Variants in MYBL1 observed in about 807,000 individuals in gnomAD.
MYBL1 encodes the protein myb-related protein A.
In MYBL1, 17 loss-of-function variants were observed where a neutral mutation model predicts 96.3. The ratio of observed to expected loss-of-function variants is 0.18; its 90% CI spans 0.12 to 0.26. The LOEUF is 0.26. MYBL1 is among the 10% of genes least tolerant of loss of function. The probability of loss-of-function intolerance (pLI) is 1.00; values close to 1 mark genes in which losing one functional copy is unlikely to be tolerated. For missense variants in MYBL1, 701 were observed against 882.9 expected (o/e 0.79, Z 2.61); for synonymous variants, 282 against 292.7 (o/e 0.96, Z 0.37).
chr8:66,580,179 A>G lies in MYBL1; in HGVS notation c.1055T>C (p.Leu352Ser). The stretch of plus-strand genomic sequence containing the variant: ...CTCTGCAAATTCTGGGATGGTCTGC[A>G]AAGAGGATAACACAGCGTTTGCCTC... Reference protein sequence around the residue: ...AVEANAVLSSLQTIPEFAETL... With the variant: ...AVEANAVLSSSQTIPEFAETL... The change falls in exon 9 of 16, where the codon TTG becomes TCG. Residue 352 changes from leucine (L) to serine (S), a missense_variant. This residue lies in a region of MYBL1 where 396 missense variants were observed against 407.4 expected (regional missense o/e 0.97). Transcript: ENST00000522677. 1 of 1,613,940 alleles carries G rather than the reference A, an allele frequency of 6.2e-7. No homozygotes were observed. The highest frequency in any genetic ancestry group is 1.3e-5 in the African/African-American group (1 of 75,054).
rs374582035 is a variant in MYBL1 at position 66,601,801 on chromosome 8, T to A, written c.127-32A>T. On this transcript the variant is annotated intron_variant, in intron 2 of 15. Coordinates refer to ENST00000522677, the MANE Select transcript of MYBL1 (RefSeq NM_001080416.4). The stretch of plus-strand genomic sequence containing the variant: ...AAACAGTACAAAAATTAGAAAGCTT[T>A]CCCCCCGTCCTTTTCCTCTACCCCT... The A allele has an allele frequency of 3.8e-5, 45 of 1,195,904 alleles. No individual in the cohort carries two copies. The African/African-American group carries it at 4.0e-4, about 11-fold the overall frequency. 74.1% of individuals were successfully genotyped at this position (1,195,904 alleles called of 1,614,324 possible). A position where few individuals can be genotyped will look rare whatever the true frequency, so the allele number is the denominator to read the frequency against.
rs567212052 is a variant in MYBL1, at chr8:66,567,940, G to A, written c.1729-948C>T. 4.6e-5 allele frequency among the ~76,000 whole-genome samples: 7 copies of A among 151,218 alleles called. No individual in the cohort carries two copies. In the South Asian group the frequency reaches 6.3e-4, roughly 14 times the overall value. On this transcript the variant is annotated intron_variant, in intron 12 of 15. Coordinates refer to ENST00000522677, the MANE Select transcript of MYBL1 (RefSeq NM_001080416.4). The stretch of plus-strand genomic sequence containing the variant: ...AGCCGGGGGTGGTGGTGTGCACCCC[G>A]GGAGGCTGAGGCATGAGAATTGCTT...
intron 8 of MYBL1, among the ~76,000 whole-genome samples, chr8:66,590,387 G>A (rs113995755): frequency 0.025 from 3,769 of 152,220 alleles, 165 homozygotes; most frequent in African/African-American, 0.085. Context: ...GGGAGGCCAA[G>A]GTGGGCAAAT....
chr8:66,573,310 C>T, intron 11 of MYBL1, 54 bp downstream of exon 11: 1 of 1,502,810 alleles, frequency 6.7e-7, no homozygotes, highest in Non-Finnish European at 9.0e-7. Context: ...AGCTAATCTA[C>T]TTTAACACTG....
In MYBL1 at chr8:66,599,873, T is replaced by C. The variant is rs955542985; in HGVS notation, c.199-731A>G. Among the ~76,000 whole-genome samples the C allele has an allele frequency of 5.9e-5, 9 of 152,092 alleles. 1 individual carries two copies. Among genetic ancestry groups the C allele is most frequent in the Admixed American group, 5.9e-4 (9 of 15,262 alleles). ...CACGTAGTTCAGCAGTACCTAACTATACAGTTTTAAAGAAATGTAAAGGCA... is the reference window on the plus strand; with the variant it reads ...CACGTAGTTCAGCAGTACCTAACTACACAGTTTTAAAGAAATGTAAAGGCA... On this transcript the variant is annotated intron_variant, in intron 3 of 15. Coordinates refer to ENST00000522677, the MANE Select transcript of MYBL1 (RefSeq NM_001080416.4).
At chr8:66,603,460 G>A (rs1472531819) in intron 1 of MYBL1, among the ~76,000 whole-genome samples, 8 of 151,168 alleles carry the variant, frequency 5.3e-5, no homozygotes, top group Non-Finnish European at 4.4e-5. Context: ...AGACACAGAT[G>A]TCTTGAACAA....
intron 9 of MYBL1, among the ~76,000 whole-genome samples, chr8:66,578,525 A>G (rs1809063097): frequency 6.6e-6 from 1 of 152,124 alleles, no homozygotes; most frequent in East Asian, 1.9e-4. Context: ...TCAAAACCAC[A>G]ATGAGATACC....
In MYBL1 at chr8:66,612,879, G is replaced by C; in HGVS notation, c.-41C>G. On this transcript the variant is annotated 5_prime_UTR_variant, in exon 1 of 16. Coordinates refer to ENST00000522677, the MANE Select transcript of MYBL1 (RefSeq NM_001080416.4). Reference sequence around the variant, plus strand: ...TAGGAGCAGGCTGGGCGGGGACGCGGGTCAGCCTCCTCCAGCCTCCGGCGA... The same window carrying C: ...TAGGAGCAGGCTGGGCGGGGACGCGCGTCAGCCTCCTCCAGCCTCCGGCGA... 2 of 1,340,510 alleles carry C rather than the reference G, an allele frequency of 1.5e-6. No homozygotes were observed. Among genetic ancestry groups the C allele is most frequent in the Non-Finnish European group, 1.9e-6 (2 of 1,035,952 alleles). 83.0% of individuals were successfully genotyped at this position (1,340,510 alleles called of 1,614,324 possible). A position where few individuals can be genotyped will look rare whatever the true frequency, so the allele number is the denominator to read the frequency against.
Position 66,563,390 on chromosome 8 carries a change from A to G in MYBL1, c.*1307T>C, listed in dbSNP as rs1375146280. 1 of 152,650 alleles carries G rather than the reference A, an allele frequency of 6.6e-6. No homozygotes were observed. Among genetic ancestry groups the G allele is most frequent in the Non-Finnish European group, 1.5e-5 (1 of 68,030 alleles). The allele number at this position is 152,650 out of a possible 1,614,324, so 9.5% of individuals were successfully genotyped here. On this transcript the variant is annotated 3_prime_UTR_variant, in exon 16 of 16. Transcript: ENST00000522677. ...TTATATGACTGAAAAAAAATTACAT[A>G]TAATCTCTACCACAAAAGCAAATAA... is the stretch of plus-strand genomic sequence containing the variant.
intron 9 of MYBL1, among the ~76,000 whole-genome samples, chr8:66,578,923 C>T (rs1278951472): frequency 6.6e-6 from 1 of 152,084 alleles, no homozygotes; most frequent in African/African-American, 2.4e-5. Context: ...AGTTCATGTC[C>T]TTTGTAGGGA....
chr8:66,595,993 A>G (rs1358613550), intron 5 of MYBL1, among the ~76,000 whole-genome samples: 2 of 152,160 alleles, frequency 1.3e-5, no homozygotes, highest in Non-Finnish European at 2.9e-5. Context: ...TATTGCAGTG[A>G]GTAAGGCAAA....
intron 5 of MYBL1, among the ~76,000 whole-genome samples, chr8:66,596,850 T>A (rs995224367): frequency 2.6e-5 from 4 of 152,188 alleles, no homozygotes; most frequent in African/African-American, 9.6e-5. Flanking sequence ...CATGAATATA[T>A]ATACTACTTC....
chr8:66,563,560 AACACTGAG>A lies in MYBL1; in HGVS notation c.*1129_*1136del, dbSNP rs1808396576. The A allele has an allele frequency of 6.6e-6, 1 of 152,562 alleles. No individual in the cohort carries two copies. The highest frequency in any genetic ancestry group is 6.5e-5 in the Admixed American group (1 of 15,272). 9.5% of individuals were successfully genotyped at this position (152,562 alleles called of 1,614,324 possible). Reference sequence around the variant, plus strand: ...AAAAGATAATGTTCTCCACTTCTGAAACACTGAGTAAATATAAACTTCTAAGTGCAGAC... The same window carrying A: ...AAAAGATAATGTTCTCCACTTCTGAATAAATATAAACTTCTAAGTGCAGAC... On this transcript the variant is annotated 3_prime_UTR_variant, in exon 16 of 16. Coordinates refer to ENST00000522677, the MANE Select transcript of MYBL1 (RefSeq NM_001080416.4).
At chr8:66,580,077 C>G in intron 9 of MYBL1, 56 bp downstream of exon 9, 1 of 1,287,112 alleles carries the variant, frequency 7.8e-7, no homozygotes, top group East Asian at 2.5e-5. Flanking sequence ...AGTTTCTGAG[C>G]ATGAAATCAT....
intron 15 of MYBL1, chr8:66,565,541 G>T (rs1464554439): frequency 6.6e-6 from 1 of 152,050 alleles, no homozygotes; most frequent in African/African-American, 2.4e-5. Flanking sequence ...CCTACTCAAT[G>T]AACTCTCAAA....
At chr8:66,569,972 G>A (rs2129722877) in intron 12 of MYBL1, among the ~76,000 whole-genome samples, 1 of 152,270 alleles carries the variant, frequency 6.6e-6, no homozygotes, top group Admixed American at 6.5e-5. Context: ...TCTCCAAGAA[G>A]TGCATTTGAC....
At position 66,600,960 on chromosome 8, in the gene MYBL1, C is replaced by T. The variant is rs189971013; in HGVS notation, c.198+738G>A. ...CCGAGGCAGTTAGATCACCTGAGGT[C>T]GGGAGTTTGAGACCAGCCTGACCAA... On this transcript the variant is annotated intron_variant, in intron 3 of 15. Transcript: ENST00000522677. 8.6e-5 allele frequency among the ~76,000 whole-genome samples: 13 copies of T among 151,670 alleles called. No homozygotes were observed. The East Asian group carries it at 2.3e-3, about 27-fold the overall frequency.
intron 8 of MYBL1, among the ~76,000 whole-genome samples, chr8:66,591,022 CCCCACGAAT>C (rs1176718203): frequency 6.6e-6 from 1 of 152,100 alleles, no homozygotes; most frequent in Non-Finnish European, 1.5e-5. Context: ...TCACTGTGTA[CCCCACGAAT>C]ATGTACAATT....
chr8:66,581,104 C>T (rs771850992), intron 8 of MYBL1, among the ~76,000 whole-genome samples: 2 of 152,064 alleles, frequency 1.3e-5, no homozygotes, highest in Non-Finnish European at 2.9e-5. Context: ...TCAGGTGATC[C>T]GCCCACCTCA....
Sources: allele counts gnomAD v4.1 joint callset (sites outside exome capture counted in the v4.1 genomes callset), GRCh38; gene constraint gnomAD v4.1.1; regional missense constraint gnomAD v4.1.1; transcripts MANE v1.5; gene names NCBI Gene and HGNC (gene_info 2026-07-23, HGNC 2026-07-21).